Variants in TTC39A observed in about 807,000 individuals in gnomAD.
TTC39A encodes the protein tetratricopeptide repeat protein 39A.
In TTC39A, 46 loss-of-function variants were observed where a neutral mutation model predicts 82.3. That is an observed-to-expected ratio of 0.56 (90% confidence interval 0.44 to 0.71). The LOEUF is 0.71. Among genes scored for constraint, TTC39A ranks in the 30% least tolerant of loss-of-function variants. The pLI is 0.00. For synonymous variants in TTC39A, 254 were observed against 275.2 expected (o/e 0.92, Z 0.76); for missense variants, 543 against 712.9 (o/e 0.76, Z 2.71).
At chr1:51,330,658 G>A (rs997414223), upstream of TTC39A, 4 of 980,696 alleles carry the variant, frequency 4.1e-6, no homozygotes, top group Middle Eastern at 5.2e-4. This position sits in a 1 kb window ranked among gnomAD's most constrained non-coding sequence, Gnocchi z 4.5. Context: ...GCACCGTAGG[G>A]CCATGGCCGC....
intron 2 of TTC39A, 54 bp from the exon 3 acceptor site, chr1:51,312,997 C>T (rs1272063842): frequency 6.3e-6 from 10 of 1,583,680 alleles, no homozygotes; most frequent in Non-Finnish European, 8.6e-6. Flanking sequence ...CCAGAGGCAG[C>T]TGGTCCTGGG....
chr1:51,310,830 C>T (rs1367474893), intron 5 of TTC39A, among the ~76,000 whole-genome samples: 1 of 152,166 alleles, frequency 6.6e-6, no homozygotes, highest in Non-Finnish European at 1.5e-5. Context: ...TAAATGTTAG[C>T]AAAAACAAAC....
chr1:51,328,593 A>G (rs952139418), intron 1 of TTC39A, among the ~76,000 whole-genome samples: 1 of 152,246 alleles, frequency 6.6e-6, no homozygotes, highest in South Asian at 2.1e-4. Context: ...ACCTAAATTC[A>G]GGATGGCAAG....
chr1:51,321,392 G>A lies in TTC39A; in HGVS notation c.146+329C>T, dbSNP rs1645512571. Among the ~76,000 whole-genome samples the A allele has an allele frequency of 6.6e-6, 1 of 152,186 alleles. No individual in the cohort carries two copies. Among genetic ancestry groups the A allele is most frequent in the Admixed American group, 6.5e-5 (1 of 15,280 alleles). ...ACACCCAGGAAAGCAGGCAACCTAA[G>A]TCTTTAGTGCTTTGGGGAAAAATAA... On this transcript the variant is annotated intron_variant, in intron 2 of 17. Coordinates refer to ENST00000680483, the MANE Select transcript of TTC39A (RefSeq NM_001297663.2). The surrounding 1 kb of genome is among the most constrained non-coding windows in gnomAD (Gnocchi z 4.6).
At chr1:51,331,410 AACCATGACTCATCAGAGC>A, upstream of TTC39A, 1 of 1,451,258 alleles carries the variant, frequency 6.9e-7, no homozygotes, top group East Asian at 2.5e-5. Flanking sequence ...TGCTGCTCTT[AACCATGACTCATCAGAGC>A]ATGTGGCTGC....
intron 1 of TTC39A, among the ~76,000 whole-genome samples, chr1:51,338,194 G>A (rs1311646337): frequency 1.3e-5 from 2 of 152,172 alleles, no homozygotes; most frequent in African/African-American, 2.4e-5. Context: ...AAGAGATACT[G>A]AAGCCATTTC....
intron 1 of TTC39A, among the ~76,000 whole-genome samples, chr1:51,327,671 T>C (rs1448616604): frequency 6.6e-6 from 1 of 152,066 alleles, no homozygotes; most frequent in Non-Finnish European, 1.5e-5. Context: ...TGAGTAATTA[T>C]TATTTTTTTC....
Position 51,288,077 on chromosome 1 carries a change from G to T in TTC39A, c.*80C>A. ...TGGACCCCAAAGGCAGGGCAGGGCA[G>T]GGGGAGGGGGTATTTTGAAATGTTT... is the stretch of plus-strand genomic sequence containing the variant. On this transcript the variant is annotated 3_prime_UTR_variant, in exon 18 of 18. Coordinates refer to ENST00000680483, the MANE Select transcript of TTC39A (RefSeq NM_001297663.2). The surrounding 1 kb of genome is among the most constrained non-coding windows in gnomAD (Gnocchi z 4.8). The T allele has an allele frequency of 6.4e-7, 1 of 1,568,032 alleles. No individual in the cohort carries two copies. The highest frequency in any genetic ancestry group is 8.7e-7 in the Non-Finnish European group (1 of 1,154,332).
At chr1:51,317,213 G>A (rs1176293770) in intron 2 of TTC39A, among the ~76,000 whole-genome samples, 2 of 152,224 alleles carry the variant, frequency 1.3e-5, no homozygotes, top group Non-Finnish European at 2.9e-5. Context: ...TGTGTGCAGC[G>A]AAGAACAGCG....
chr1:51,306,062 AG>A lies in TTC39A; in HGVS notation c.502del (p.Val169PhefsTer19). 6.2e-7 allele frequency: 1 copy of A among 1,613,722 alleles called. No homozygotes were observed. Among genetic ancestry groups the A allele is most frequent in the Non-Finnish European group, 8.5e-7 (1 of 1,179,720 alleles). ...CTTGCAGTATTGTGAGGACTGAACA[AG>A]GCTGTCCAGCTCCCTGCAGAGAGAT... ...SYQTYKELDS[L>X]VQSSQYCKGE... On this transcript the variant is annotated frameshift_variant, in exon 7 of 18. Transcript: ENST00000680483. LOFTEE classifies it high-confidence loss of function.
rs369871888 is a variant in TTC39A at position 51,301,604 on chromosome 1, C to A, written c.1021G>T (p.Asp341Tyr). 6.2e-7 allele frequency: 1 copy of A among 1,612,312 alleles called. No individual in the cohort carries two copies. Residue 341 changes from aspartate (D) to tyrosine (Y), a missense_variant, in exon 12 of 18, where the codon GAC becomes TAC. By Grantham distance (160) the Asp-to-Tyr change is radical. Transcript: ENST00000680483. ...GQWKMSYFYA[D>Y]LLSKENCWSK... Reference sequence around the variant, plus strand: ...CAGCAGTTCTCCTTGCTGAGCAGGTCGGCGTAGAAGTAGGACATCTTCCAC... The same window carrying A: ...CAGCAGTTCTCCTTGCTGAGCAGGTAGGCGTAGAAGTAGGACATCTTCCAC...
intron 8 of TTC39A, among the ~76,000 whole-genome samples, chr1:51,304,195 T>G (rs534964346): frequency 1.3e-5 from 2 of 152,346 alleles, no homozygotes; most frequent in African/African-American, 4.8e-5. Flanking sequence ...GGCTGGGCCC[T>G]CGTGGTATTT....
chr1:51,301,557 G>C lies in TTC39A; in HGVS notation c.1053+15C>G. The C allele has an allele frequency of 3.8e-6, 6 of 1,588,848 alleles. No homozygotes were observed. The highest frequency in any genetic ancestry group is 1.1e-5 in the South Asian group (1 of 88,222). ...CCTGGTCACCCAATGCCCCTAACACGTGGCATCAGCCCACCTTGGACCAGC... is the reference window on the plus strand; with the variant it reads ...CCTGGTCACCCAATGCCCCTAACACCTGGCATCAGCCCACCTTGGACCAGC... On this transcript the variant is annotated intron_variant, in intron 12 of 17. Coordinates refer to ENST00000680483, the MANE Select transcript of TTC39A (RefSeq NM_001297663.2).
chr1:51,343,838 T>A (rs950701340), intron 1 of TTC39A, among the ~76,000 whole-genome samples: 1 of 152,196 alleles, frequency 6.6e-6, no homozygotes, highest in Non-Finnish European at 1.5e-5. Context: ...CAGGCTGCTC[T>A]CAAACTCCTG....
intron 14 of TTC39A, among the ~76,000 whole-genome samples, chr1:51,291,184 T>C (rs889667344): frequency 6.6e-6 from 1 of 152,214 alleles, no homozygotes; most frequent in Admixed American, 6.5e-5. Context: ...AGATTCTTTT[T>C]TTTTAGTTAA....
chr1:51,313,703 C>A (rs1286332652), intron 2 of TTC39A, among the ~76,000 whole-genome samples: 2 of 152,184 alleles, frequency 1.3e-5, no homozygotes, highest in Non-Finnish European at 2.9e-5. Flanking sequence ...CCTCAGATTG[C>A]AATGCCCTTC....
At position 51,330,375 on chromosome 1, in the gene TTC39A, C is replaced by T; in HGVS notation, c.41+62G>A. On this transcript the variant is annotated intron_variant, in intron 1 of 17. Coordinates refer to ENST00000680483, the MANE Select transcript of TTC39A (RefSeq NM_001297663.2). The surrounding 1 kb of genome is among the most constrained non-coding windows in gnomAD (Gnocchi z 4.5). ...GGGGGGAGGCCTGGCGCGGCGCCCG[C>T]CACCTGCCCGGGCCCCAGCCCGCGC... is the stretch of plus-strand genomic sequence containing the variant. The T allele has an allele frequency of 4.2e-6, 4 of 954,418 alleles. No individual in the cohort carries two copies. Among genetic ancestry groups the T allele is most frequent in the Non-Finnish European group, 5.0e-6 (4 of 804,144 alleles). 59.1% of individuals were successfully genotyped at this position (954,418 alleles called of 1,614,324 possible). A position where few individuals can be genotyped will look rare whatever the true frequency, so the allele number is the denominator to read the frequency against.
chr1:51,328,113 C>T (rs1645780481), intron 1 of TTC39A, among the ~76,000 whole-genome samples: 1 of 152,060 alleles, frequency 6.6e-6, no homozygotes, highest in Non-Finnish European at 1.5e-5. Context: ...TTCAGGAGGC[C>T]AAGGAAGGAG....
At chr1:51,316,468 C>A (rs1343000034) in intron 2 of TTC39A, among the ~76,000 whole-genome samples, 2 of 152,200 alleles carry the variant, frequency 1.3e-5, no homozygotes, top group Non-Finnish European at 2.9e-5. Flanking sequence ...ATACTCAATG[C>A]CAAGCCTGCC....
Sources: allele counts gnomAD v4.1 joint callset (sites outside exome capture counted in the v4.1 genomes callset), GRCh38; gene constraint gnomAD v4.1.1; non-coding constraint Gnocchi (gnomAD v3.1); transcripts MANE v1.5; gene names NCBI Gene and HGNC (gene_info 2026-07-23, HGNC 2026-07-21).